SLC28A1: variants seen among roughly 807,000 people sequenced by gnomAD.
SLC28A1 encodes sodium/nucleoside cotransporter 1.
Under a neutral mutation model 74.8 loss-of-function variants are expected in SLC28A1, and 64 were observed. That is an observed-to-expected ratio of 0.86 (90% confidence interval 0.70 to 1.05). The LOEUF (loss-of-function observed/expected upper bound fraction) is 1.05. Ranked by LOEUF, SLC28A1 falls within the 50% of genes least tolerant of loss-of-function variation. The pLI, the probability that SLC28A1 is intolerant of heterozygous loss-of-function variation, is 0.00. For synonymous variants in SLC28A1, 359 were observed against 335.0 expected (o/e 1.07, Z -0.78); for missense variants, 828 against 822.8 (o/e 1.01, Z -0.08).
chr15:84,948,846 T>C (rs1324034408), downstream of SLC28A1, among the ~76,000 whole-genome samples: 1 of 152,150 alleles, frequency 6.6e-6, no homozygotes, highest in African/African-American at 2.4e-5. Flanking sequence ...CTACTCCACA[T>C]TGGAGAGCTC....
downstream of SLC28A1, among the ~76,000 whole-genome samples, chr15:84,950,688 A>G (rs2079390167): frequency 6.6e-6 from 1 of 151,854 alleles, no homozygotes; most frequent in Non-Finnish European, 1.5e-5. Context: ...CTGGGTGACA[A>G]GAGTGACTCT....
chr15:84,943,643 T>G, intron 16 of SLC28A1, 117 bp downstream of exon 16: 9 of 806,842 alleles, frequency 1.1e-5, no homozygotes, highest in Non-Finnish European at 1.9e-5. Flanking sequence ...AAGATGGCCA[T>G]AGAGGCCAGG....
chr15:84,906,577 C>CTTTCTTTCT lies in SLC28A1; in HGVS notation c.717+925_717+926insTTTCTTTCT, dbSNP rs1567140848. Among the ~76,000 whole-genome samples the CTTTCTTTCT allele has an allele frequency of 2.9e-3, 93 of 32,502 alleles. 3 individuals carry two copies. The highest frequency in any genetic ancestry group is 5.4e-3 in the Non-Finnish European group (74 of 13,826). 21.3% of individuals were successfully genotyped at this position (32,502 alleles called of 152,430 possible). On this transcript the variant is annotated intron_variant, in intron 8 of 18. Coordinates refer to ENST00000394573, the MANE Select transcript of SLC28A1 (RefSeq NM_004213.5). The stretch of plus-strand genomic sequence containing the variant: ...CTTTCTTTCTTTCTCTTTCTTTCTT[C>CTTTCTTTCT]CTTCCTTCCTTCCTTCCTTCCTTCC...
chr15:84,890,394 A>C (rs776224185), intron 4 of SLC28A1, 49 bp from the exon 5 acceptor site: 23 of 1,360,446 alleles, frequency 1.7e-5, no homozygotes, highest in Non-Finnish European at 2.4e-5. Flanking sequence ...GATCTCCCCC[A>C]GATGGGGTCT....
At chr15:84,972,971 C>T in the SLC28A1 span, among the ~76,000 whole-genome samples, 1 of 152,196 alleles carries the variant, frequency 6.6e-6, no homozygotes. Flanking sequence ...GGGCTACCTC[C>T]TTCACACTTA....
In SLC28A1 at chr15:84,894,932, T is replaced by TC; in HGVS notation, c.278-3dup. 2 of 1,613,900 alleles carry TC rather than the reference T, an allele frequency of 1.2e-6. No individual in the cohort carries two copies. Among genetic ancestry groups the TC allele is most frequent in the Non-Finnish European group, 1.7e-6 (2 of 1,179,924 alleles). On this transcript the variant is annotated splice_polypyrimidine_tract_variant and splice_region_variant and intron_variant, in intron 5 of 18. Coordinates refer to ENST00000394573, the MANE Select transcript of SLC28A1 (RefSeq NM_004213.5). ...GGCTGTTGACCCCTCCTCTGTCTCA[T>TC]CCCCCAGGGCTCTCTGCCTTCCTGC...
At chr15:84,920,700 A>AGG (rs745878662) in intron 10 of SLC28A1, among the ~76,000 whole-genome samples, 2,418 of 114,686 alleles carry the variant, frequency 0.021, 29 homozygotes, top group Middle Eastern at 0.036. Context: ...GTAATCTCCA[A>AGG]GGGGTGTGTG....
intron 6 of SLC28A1, among the ~76,000 whole-genome samples, chr15:84,898,903 G>A (rs1966304101): frequency 6.6e-6 from 1 of 152,170 alleles, no homozygotes; most frequent in Admixed American, 6.5e-5. Flanking sequence ...GCCATGGCAG[G>A]CAGGGTTCAC....
At chr15:84,918,822 GC>G (rs1243859026) in intron 10 of SLC28A1, among the ~76,000 whole-genome samples, 2 of 67,052 alleles carry the variant, frequency 3.0e-5, no homozygotes, top group Admixed American at 1.9e-4. Flanking sequence ...TGCTCCTGAG[GC>G]CCATACCTTC....
At chr15:84,906,694 G>T (rs4038083) in intron 8 of SLC28A1, among the ~76,000 whole-genome samples, 50,462 of 143,740 alleles carry the variant, frequency 0.35, 9,509 homozygotes, top group Middle Eastern at 0.43. Context: ...ATGTTGCCCA[G>T]GCTGGTCTCA....
intron 9 of SLC28A1, among the ~76,000 whole-genome samples, chr15:84,913,604 G>C (rs1246444102): frequency 6.6e-6 from 1 of 152,182 alleles, no homozygotes; most frequent in South Asian, 2.1e-4. Flanking sequence ...GGATGCTGCT[G>C]GTCCACGTGC....
intron 12 of SLC28A1, among the ~76,000 whole-genome samples, chr15:84,927,367 T>C (rs1442488971): frequency 1.3e-5 from 2 of 152,344 alleles, no homozygotes; most frequent in East Asian, 3.9e-4. Context: ...TGTCCATTTT[T>C]ACGCTCAGGT....
intron 8 of SLC28A1, among the ~76,000 whole-genome samples, chr15:84,906,353 G>T (rs533294898): frequency 1.3e-4 from 19 of 151,724 alleles, no homozygotes; most frequent in Non-Finnish European, 2.1e-4. Context: ...GTCTTGCTTT[G>T]ACATCCAGGC....
At chr15:84,937,289 G>A (rs924146838) in intron 15 of SLC28A1, among the ~76,000 whole-genome samples, 1 of 152,072 alleles carries the variant, frequency 6.6e-6, no homozygotes, top group African/African-American at 2.4e-5. Flanking sequence ...TGTGCATATA[G>A]CTCTTCCTTC....
intron 9 of SLC28A1, among the ~76,000 whole-genome samples, chr15:84,917,764 C>A (rs934497999): frequency 2.0e-5 from 3 of 152,148 alleles, no homozygotes; most frequent in African/African-American, 7.2e-5. Context: ...AACTAGTCTT[C>A]CACTAAAAGA....
chr15:84,931,379 C>A (rs1395353846), intron 12 of SLC28A1, among the ~76,000 whole-genome samples: 2 of 151,264 alleles, frequency 1.3e-5, no homozygotes, highest in African/African-American at 2.4e-5. Context: ...TGAGAGATAC[C>A]AAAACACCTG....
chr15:84,933,201 C>T lies in SLC28A1; in HGVS notation c.1140C>T (p.Ala380=). Residue 380 remains alanine (A), a synonymous_variant, in exon 13 of 19, where the codon GCC becomes GCT. Transcript: ENST00000394573. ...TGATGGCTGCCCCTTGTGCCTTGGC[C>T]CTCTCCAAGCTGGTCTACCCGGAGG... ...ASVMAAPCAL[A]LSKLVYPEVE... 6.2e-7 allele frequency: 1 copy of T among 1,613,792 alleles called. No homozygotes were observed. Among genetic ancestry groups the T allele is most frequent in the Middle Eastern group, 1.6e-4 (1 of 6,062 alleles).
intron 1 of SLC28A1, chr15:84,886,151 T>A (rs1567107327): frequency 6.1e-6 from 6 of 985,384 alleles, no homozygotes; most frequent in Non-Finnish European, 7.2e-6. Context: ...TTAACAAAGA[T>A]GAAATGAAGG....
chr15:84,912,807 CACACA>C (rs1968511671), intron 9 of SLC28A1, among the ~76,000 whole-genome samples: 2 of 9,076 alleles, frequency 2.2e-4, no homozygotes, highest in African/African-American at 4.9e-4. Flanking sequence ...TGCGCGCGCG[CACACA>C]CACACACACA....
Sources: gnomAD v4.1 joint callset for allele counts (sites outside exome capture counted in the v4.1 genomes callset) on GRCh38, gnomAD v4.1.1 for gene constraint, MANE v1.5 for transcripts, NCBI Gene and HGNC (gene_info 2026-07-23, HGNC 2026-07-21) for gene names.